The following RASAL2 variants were observed in gnomAD, a reference collection of about 807,000 sequenced individuals.
RASAL2 encodes the protein RAS protein activator like 2.
RASAL2 carries 58 observed loss-of-function variants against 128.9 expected under a neutral mutation model. The ratio of observed to expected loss-of-function variants is 0.45; its 90% CI spans 0.36 to 0.56. The LOEUF is 0.56. Ranked by LOEUF, RASAL2 falls within the 20% of genes least tolerant of loss-of-function variation. The pLI, the probability that RASAL2 is intolerant of heterozygous loss-of-function variation, is 0.00. For synonymous variants in RASAL2, 561 were observed against 580.8 expected (o/e 0.97, Z 0.49); for missense variants, 1,360 against 1,601.6 (o/e 0.85, Z 2.57).
intron 1 of RASAL2, among the ~76,000 whole-genome samples, chr1:178,141,193 C>A: frequency 1.4e-5 from 1 of 73,948 alleles, no homozygotes; most frequent in Admixed American, 2.1e-4. Context: ...CTTTTCTTTT[C>A]TTTTTTTTTT....
At chr1:178,238,633 A>G (rs559035361) in intron 1 of RASAL2, among the ~76,000 whole-genome samples, 1 of 152,104 alleles carries the variant, frequency 6.6e-6, no homozygotes, top group Admixed American at 6.5e-5. Context: ...CACTTTGATC[A>G]CCTCAAGTAC....
intron 1 of RASAL2, chr1:178,123,635 A>C (rs887041058): frequency 3.9e-5 from 6 of 152,220 alleles, no homozygotes; most frequent in Non-Finnish European, 7.3e-5. Context: ...TGAATTTAAA[A>C]ATAGAGAAGT....
At chr1:178,301,260 G>A (rs1202545429) in intron 3 of RASAL2, among the ~76,000 whole-genome samples, 2 of 152,258 alleles carry the variant, frequency 1.3e-5, no homozygotes, top group Middle Eastern at 3.4e-3. Flanking sequence ...TTTAACATGT[G>A]TTGAAACCAG....
At chr1:178,390,296 A>T (rs1672822507) in intron 4 of RASAL2, 90 bp downstream of exon 4, 1 of 844,038 alleles carries the variant, frequency 1.2e-6, no homozygotes, top group Admixed American at 2.8e-5. Context: ...GAATCCAAAC[A>T]TTCTTCTCTT....
intron 1 of RASAL2, among the ~76,000 whole-genome samples, chr1:178,231,758 T>C (rs1664017712): frequency 1.3e-5 from 2 of 152,216 alleles, no homozygotes; most frequent in Non-Finnish European, 2.9e-5. Flanking sequence ...ATATTTATTG[T>C]TCCTTTCCTT....
intron 3 of RASAL2, chr1:178,341,476 T>C: frequency 1.3e-6 from 2 of 1,542,954 alleles, no homozygotes; most frequent in Non-Finnish European, 1.8e-6. Flanking sequence ...AGGCACGAAA[T>C]GAGAGCAAAA....
intron 1 of RASAL2, among the ~76,000 whole-genome samples, chr1:178,221,736 G>T (rs1663620047): frequency 6.6e-6 from 1 of 152,172 alleles, no homozygotes; most frequent in Non-Finnish European, 1.5e-5. Context: ...TTCTGCTGTT[G>T]TTGAATGAAG....
chr1:178,410,350 C>T (rs938291378), intron 4 of RASAL2, among the ~76,000 whole-genome samples: 1 of 151,872 alleles, frequency 6.6e-6, no homozygotes, highest in Non-Finnish European at 1.5e-5. Context: ...GTCCTCATCT[C>T]TCACCTTATA....
chr1:178,416,151 A>G (rs902107995), intron 4 of RASAL2, among the ~76,000 whole-genome samples: 5 of 152,024 alleles, frequency 3.3e-5, no homozygotes, highest in Non-Finnish European at 7.4e-5. Flanking sequence ...TCCACTGTTT[A>G]TAACCTTTCG....
intron 5 of RASAL2, among the ~76,000 whole-genome samples, chr1:178,432,384 C>T (rs1487024155): frequency 6.6e-6 from 1 of 151,876 alleles, no homozygotes; most frequent in East Asian, 1.9e-4. Flanking sequence ...CTTGAGATCC[C>T]TCTTTCCTGG....
chr1:178,260,210 G>A (rs957939031), intron 1 of RASAL2, among the ~76,000 whole-genome samples: 40 of 149,492 alleles, frequency 2.7e-4, no homozygotes, highest in African/African-American at 6.1e-4. Flanking sequence ...AAAATTAGCC[G>A]GGCGTGGTGG....
intron 1 of RASAL2, among the ~76,000 whole-genome samples, chr1:178,141,193 CT>C (rs71297900): frequency 4.3e-4 from 32 of 73,944 alleles, no homozygotes; most frequent in East Asian, 1.9e-3. Flanking sequence ...CTTTTCTTTT[CT>C]TTTTTTTTTT....
At chr1:178,299,961 T>A (rs1319335471) in intron 2 of RASAL2, 31 bp from the exon 3 acceptor site, 2 of 1,608,026 alleles carry the variant, frequency 1.2e-6, no homozygotes, top group African/African-American at 1.3e-5. Flanking sequence ...AGTTCACTAT[T>A]AAGTTTTATC....
chr1:178,369,559 G>C (rs543492480), intron 3 of RASAL2, among the ~76,000 whole-genome samples: 1 of 152,096 alleles, frequency 6.6e-6, no homozygotes, highest in Admixed American at 6.6e-5. Context: ...TATACAGAAG[G>C]CAAATTCATA....
intron 1 of RASAL2, among the ~76,000 whole-genome samples, chr1:178,265,831 T>A (rs1192892789): frequency 1.3e-5 from 2 of 152,224 alleles, no homozygotes; most frequent in African/African-American, 4.8e-5. Context: ...TACTATAGAT[T>A]AGGTTTACCC....
intron 1 of RASAL2, among the ~76,000 whole-genome samples, chr1:178,186,874 A>G (rs1201365922): frequency 6.6e-6 from 1 of 151,306 alleles, no homozygotes; most frequent in Non-Finnish European, 1.5e-5. Flanking sequence ...CCCATGCTAG[A>G]TGACAGTGGT....
intron 1 of RASAL2, among the ~76,000 whole-genome samples, chr1:178,163,546 T>G (rs1021502703): frequency 2.6e-5 from 4 of 152,168 alleles, no homozygotes; most frequent in African/African-American, 9.6e-5. Context: ...CCAACATCAT[T>G]TGTTGAAAAG....
intron 1 of RASAL2, among the ~76,000 whole-genome samples, chr1:178,117,397 G>A (rs1343786035): frequency 6.6e-6 from 1 of 152,158 alleles, no homozygotes; most frequent in African/African-American, 2.4e-5. Flanking sequence ...GAAGTAACTA[G>A]TAAAGATGCA....
intron 1 of RASAL2, among the ~76,000 whole-genome samples, chr1:178,281,047 A>G (rs1666757078): frequency 6.6e-6 from 1 of 152,108 alleles, no homozygotes; most frequent in South Asian, 2.1e-4. Flanking sequence ...TTTAAAAAAC[A>G]TAATTTTATT....
Sources: gnomAD v4.1 joint callset for allele counts (sites outside exome capture counted in the v4.1 genomes callset) on GRCh38, gnomAD v4.1.1 for gene constraint, MANE v1.5 for transcripts, NCBI Gene and HGNC (gene_info 2026-07-23, HGNC 2026-07-21) for gene names.